ZNF777: variants seen among roughly 807,000 people sequenced by gnomAD.
ZNF777 encodes zinc finger protein 777.
In ZNF777, 7 loss-of-function variants were observed where a neutral mutation model predicts 72.1. That is an observed-to-expected ratio of 0.10 (90% confidence interval 0.06 to 0.18). The LOEUF (loss-of-function observed/expected upper bound fraction) is 0.18, where lower values mean the gene tolerates loss of function less well. Among genes scored for constraint, ZNF777 ranks in the 10% least tolerant of loss-of-function variants. The pLI, the probability that ZNF777 is intolerant of heterozygous loss-of-function variation, is 1.00. For synonymous variants in ZNF777, 545 were observed against 483.5 expected (o/e 1.13, Z -1.67); for missense variants, 828 against 1,128.6 (o/e 0.73, Z 3.82).
chr7:149,432,632 G>C lies in ZNF777; in HGVS notation c.1640C>G (p.Thr547Arg), dbSNP rs1799335647. The change falls in exon 6 of 6, where the codon ACA (threonine) becomes AGA (arginine). Residue 547 changes from threonine to arginine, a missense_variant. Physicochemically the swap from Thr to Arg is moderately conservative, Grantham distance 71. Transcript: ENST00000247930. Reference protein sequence around the residue: ...QRNRRGERPFTCMECGKSFRL... With the variant: ...QRNRRGERPFRCMECGKSFRL... The stretch of plus-strand genomic sequence containing the variant: ...GAAGCTCTTGCCGCACTCCATGCAT[G>C]TGAAGGGCCGCTCGCCGCGCCGGTT... 6.2e-7 allele frequency: 1 copy of C among 1,613,452 alleles called. No individual in the cohort carries two copies. Among genetic ancestry groups the C allele is most frequent in the Non-Finnish European group, 8.5e-7 (1 of 1,179,756 alleles).
intron 4 of ZNF777, among the ~76,000 whole-genome samples, chr7:149,440,665 GTTTTTTTGTTT>G (rs1799497032): frequency 2.3e-5 from 2 of 88,396 alleles, no homozygotes; most frequent in African/African-American, 1.1e-4. Context: ...GCAGCCTGTT[GTTTTTTTGTTT>G]TTTTTTTTTT....
At chr7:149,454,674 C>G (rs987407890) in intron 2 of ZNF777, among the ~76,000 whole-genome samples, 1 of 152,248 alleles carries the variant, frequency 6.6e-6, no homozygotes, top group African/African-American at 2.4e-5. Flanking sequence ...CACACTCAAG[C>G]TCTTTCAGAA....
intron 4 of ZNF777, among the ~76,000 whole-genome samples, chr7:149,440,547 G>A (rs755761518): frequency 3.3e-5 from 5 of 151,626 alleles, no homozygotes; most frequent in Admixed American, 6.6e-5. Context: ...TTGTAGAGAC[G>A]AGGTCTCCCT....
rs1323194536 is a variant in ZNF777 at position 149,431,519 on chromosome 7, T to C, written c.*257A>G. The stretch of plus-strand genomic sequence containing the variant: ...GTGCTGATTGGTTTCATCCATTTTA[T>C]TGTCAAGGAAATTAACAGCCCGAAA... On this transcript the variant is annotated 3_prime_UTR_variant, in exon 6 of 6. Transcript: ENST00000247930. 3 of 454,608 alleles carry C rather than the reference T, an allele frequency of 6.6e-6. No homozygotes were observed. Among genetic ancestry groups the C allele is most frequent in the Non-Finnish European group, 1.3e-5 (3 of 227,906 alleles). The allele number at this position is 454,608 out of a possible 1,614,324, so 28.2% of individuals were successfully genotyped here.
chr7:149,436,450 T>G lies in ZNF777; in HGVS notation c.1339+125A>C, dbSNP rs1799411664. On this transcript the variant is annotated intron_variant, in intron 5 of 5. Coordinates refer to ENST00000247930, the MANE Select transcript of ZNF777 (RefSeq NM_015694.3). This position sits in a 1 kb window ranked among gnomAD's most constrained non-coding sequence, Gnocchi z 5.0. Reference sequence around the variant, plus strand: ...CTCGAGGCCGTGCTTGGTAATTCTTTCCCACCTGTTGCCCCATCAGTGTCC... The same window carrying G: ...CTCGAGGCCGTGCTTGGTAATTCTTGCCCACCTGTTGCCCCATCAGTGTCC... 13 of 1,177,190 alleles carry G rather than the reference T, an allele frequency of 1.1e-5. No individual in the cohort carries two copies. The South Asian group carries it at 2.0e-4, about 18-fold the overall frequency. The allele number at this position is 1,177,190 out of a possible 1,614,324, so 72.9% of individuals were successfully genotyped here.
At position 149,436,715 on chromosome 7, in the gene ZNF777, T is replaced by G. The variant is rs199994684; in HGVS notation, c.1199A>C (p.Asp400Ala). ...CCCACAGGGGTCACCCAGCTCTGAGTCCTGGAAGCCGTGCTCTTCCACCTG... is the reference window on the plus strand; with the variant it reads ...CCCACAGGGGTCACCCAGCTCTGAGGCCTGGAAGCCGTGCTCTTCCACCTG... ...MGQVEEHGFQ[D>A]SELGDPCGEQ... The change falls in exon 5 of 6, where the codon GAC (aspartate) becomes GCC (alanine). Residue 400 changes from aspartate (D) to alanine (A), a missense_variant. Physicochemically the swap from Asp to Ala is moderately radical, Grantham distance 126. Transcript: ENST00000247930. The surrounding 1 kb of genome is among the most constrained non-coding windows in gnomAD (Gnocchi z 5.0). 146 of 1,614,154 alleles carry G rather than the reference T, an allele frequency of 9.0e-5. No individual in the cohort carries two copies. The highest frequency in any genetic ancestry group is 7.2e-4 in the Admixed American group (43 of 60,018).
rs376066915 is a variant in ZNF777 at position 149,455,608 on chromosome 7, G to T, written c.415C>A (p.Pro139Thr). The T allele has an allele frequency of 6.8e-6, 11 of 1,609,148 alleles. No individual in the cohort carries two copies. In the East Asian group the frequency reaches 2.0e-4, roughly 29 times the overall value. ...VHSPEAPEKD[P>T]LTLSPTVPET... ...GGAACTGTTGGGGAAAGGGTCAGGG[G>T]GTCTTTCTCAGGAGCTTCAGGGGAG... is the stretch of plus-strand genomic sequence containing the variant. Residue 139 changes from proline to threonine, a missense_variant, in exon 2 of 6, where the codon CCC becomes ACC. Physicochemically the swap from Pro to Thr is conservative, Grantham distance 38. Transcript: ENST00000247930. The surrounding 1 kb of genome is among the most constrained non-coding windows in gnomAD (Gnocchi z 4.2).
intron 2 of ZNF777, among the ~76,000 whole-genome samples, chr7:149,454,631 C>A (rs930924252): frequency 4.6e-5 from 7 of 152,198 alleles, no homozygotes; most frequent in Non-Finnish European, 7.3e-5. Context: ...TGAAAGGGGG[C>A]AGCAGCACTG....
rs753564515 is a variant in ZNF777 at position 149,455,252 on chromosome 7, G to A, written c.771C>T (p.Asn257=). Residue 257 remains asparagine, a synonymous_variant, in exon 2 of 6, where the codon AAC becomes AAT. Coordinates refer to ENST00000247930, the MANE Select transcript of ZNF777 (RefSeq NM_015694.3). The surrounding 1 kb of genome is among the most constrained non-coding windows in gnomAD (Gnocchi z 4.2). The part of the protein sequence containing the change: ...EYGLLQRRLE[N]MENLLKNRNF... Reference sequence around the variant, plus strand: ...TTCTGTTTTTCAGCAGGTTCTCCATGTTCTCCAGCCGCCTCTGCAGCAGCC... The same window carrying A: ...TTCTGTTTTTCAGCAGGTTCTCCATATTCTCCAGCCGCCTCTGCAGCAGCC... 9.9e-6 allele frequency: 16 copies of A among 1,614,206 alleles called. No homozygotes were observed. The highest frequency in any genetic ancestry group is 1.4e-5 in the Non-Finnish European group (16 of 1,180,044).
chr7:149,448,485 CTATAT>C (rs1799644528), intron 4 of ZNF777, among the ~76,000 whole-genome samples: 8 of 104,642 alleles, frequency 7.6e-5, no homozygotes, highest in African/African-American at 3.1e-4. Flanking sequence ...CAAAACAAAA[CTATAT>C]ATATATATAT....
chr7:149,447,551 C>G (rs1799627075), intron 4 of ZNF777, among the ~76,000 whole-genome samples: 1 of 152,204 alleles, frequency 6.6e-6, no homozygotes, highest in Admixed American at 6.5e-5. Flanking sequence ...TCCCTAAGGC[C>G]TTCCTAGTCC....
rs1280181954 is a variant in ZNF777 at position 149,460,963 on chromosome 7, G to C, written c.-164C>G. On this transcript the variant is annotated 5_prime_UTR_variant, in exon 1 of 6. Coordinates refer to ENST00000247930, the MANE Select transcript of ZNF777 (RefSeq NM_015694.3). This position sits in a 1 kb window ranked among gnomAD's most constrained non-coding sequence, Gnocchi z 6.1. ...AGCCTTCCTCCCGCCGATCCCCTGC[G>C]CCTCTCACACCCAGAACCCGGGGTC... The C allele has an allele frequency of 2.0e-5, 3 of 152,404 alleles. No homozygotes were observed. In the East Asian group the frequency reaches 5.8e-4, roughly 29 times the overall value. The allele number at this position is 152,404 out of a possible 1,614,324, so 9.4% of individuals were successfully genotyped here. A position where few individuals can be genotyped will look rare whatever the true frequency, so the allele number is the denominator to read the frequency against.
In ZNF777 at chr7:149,460,636, C is replaced by T. The variant is rs1799931444; in HGVS notation, c.-16+179G>A. 6.6e-6 allele frequency among the ~76,000 whole-genome samples: 1 copy of T among 152,114 alleles called. No individual in the cohort carries two copies. Among genetic ancestry groups the T allele is most frequent in the Non-Finnish European group, 1.5e-5 (1 of 67,996 alleles). ...CTCAGGCCGTTTAAAGAGAAACACT[C>T]CGAGGCTCGTCGGAGGCTGCCGGAA... On this transcript the variant is annotated intron_variant, in intron 1 of 5. Transcript: ENST00000247930. The surrounding 1 kb of genome is among the most constrained non-coding windows in gnomAD (Gnocchi z 6.1).
At position 149,455,880 on chromosome 7, in the gene ZNF777, G is replaced by A; in HGVS notation, c.143C>T (p.Pro48Leu). The change falls in exon 2 of 6, where the codon CCC becomes CTC. Residue 48 changes from proline (P) to leucine (L), a missense_variant. Physicochemically the swap from Pro to Leu is moderately conservative, Grantham distance 98. Transcript: ENST00000247930. The surrounding 1 kb of genome is among the most constrained non-coding windows in gnomAD (Gnocchi z 4.2). ...CAGGGAGCCTTGACGGGGAATGGTGGGAGACAAAGAAGGAATTTCTTTGGG... is the reference window on the plus strand; with the variant it reads ...CAGGGAGCCTTGACGGGGAATGGTGAGAGACAAAGAAGGAATTTCTTTGGG... ...LPPKEIPSLS[P>L]TIPRQGSLPQ... The A allele has an allele frequency of 6.2e-7, 1 of 1,613,938 alleles. No individual in the cohort carries two copies. Among genetic ancestry groups the A allele is most frequent in the Admixed American group, 1.7e-5 (1 of 60,016 alleles).
chr7:149,455,982 A>G lies in ZNF777; in HGVS notation c.41T>C (p.Val14Ala). ...QRSSPLSFPS[V>A]PQEETLRQAP... ...CTGACGTAAGGTTTCTTCTTGTGGA[A>G]CACTGGGGAACGACAGAGGTGATGA... is the stretch of plus-strand genomic sequence containing the variant. The change falls in exon 2 of 6, where the codon GTT becomes GCT. Residue 14 changes from valine to alanine, a missense_variant. Transcript: ENST00000247930. The surrounding 1 kb of genome is among the most constrained non-coding windows in gnomAD (Gnocchi z 4.2). 6.2e-7 allele frequency: 1 copy of G among 1,607,792 alleles called. No individual in the cohort carries two copies. Among genetic ancestry groups the G allele is most frequent in the Non-Finnish European group, 8.5e-7 (1 of 1,176,718 alleles).
intron 4 of ZNF777, among the ~76,000 whole-genome samples, chr7:149,445,472 T>A (rs537266413): frequency 7.0e-4 from 107 of 152,316 alleles, no homozygotes; most frequent in Non-Finnish European, 1.3e-3. Flanking sequence ...TGGGACTCTG[T>A]TTGGCCCATA....
chr7:149,436,391 G>A lies in ZNF777; in HGVS notation c.1339+184C>T, dbSNP rs953295352. On this transcript the variant is annotated intron_variant, in intron 5 of 5. Transcript: ENST00000247930. This position sits in a 1 kb window ranked among gnomAD's most constrained non-coding sequence, Gnocchi z 5.0. ...ACCACTTCTTTCCTAGGTTGGAGAC[G>A]GATTCTTACAAGTCCCGCGTCACGG... Among the ~76,000 whole-genome samples the A allele has an allele frequency of 7.9e-5, 12 of 152,086 alleles. No homozygotes were observed. Among genetic ancestry groups the A allele is most frequent in the Non-Finnish European group, 4.4e-5 (3 of 68,022 alleles).
Position 149,432,660 on chromosome 7 carries a change from G to C in ZNF777, c.1612C>G (p.Arg538Gly), listed in dbSNP as rs1332477384. The change falls in exon 6 of 6, where the codon CGG becomes GGG. Residue 538 changes from arginine (R) to glycine (G), a missense_variant. By Grantham distance (125) the Arg-to-Gly change is moderately radical (BLOSUM62 -2). Coordinates refer to ENST00000247930, the MANE Select transcript of ZNF777 (RefSeq NM_015694.3). ...ENRGASSQQQ[R>G]NRRGERPFTC... ...AAGGGCCGCTCGCCGCGCCGGTTCC[G>C]CTGCTGCTGGCTCGAGGCCCCGCGG... The C allele has an allele frequency of 6.2e-7, 1 of 1,613,194 alleles. No homozygotes were observed. The highest frequency in any genetic ancestry group is 1.7e-5 in the Admixed American group (1 of 59,922).
chr7:149,443,698 T>C (rs545484739), intron 4 of ZNF777, among the ~76,000 whole-genome samples: 1 of 152,348 alleles, frequency 6.6e-6, no homozygotes, highest in African/African-American at 2.4e-5. Context: ...TTCTCCTGCC[T>C]TAGCCTCCTG....
Sources: gnomAD v4.1 joint callset for allele counts (sites outside exome capture counted in the v4.1 genomes callset) on GRCh38, gnomAD v4.1.1 for gene constraint, Gnocchi (gnomAD v3.1) non-coding constraint, MANE v1.5 for transcripts, NCBI Gene and HGNC (gene_info 2026-07-23, HGNC 2026-07-21) for gene names.